Variants in HDAC7 observed in about 807,000 individuals in gnomAD.
HDAC7 encodes the protein histone deacetylase 7, also known as histone deacetylase 7A.
In HDAC7, 26 loss-of-function variants were observed where a neutral mutation model predicts 115.5. The observed-to-expected ratio is 0.23, with a 90% CI of 0.16 to 0.31. The LOEUF (loss-of-function observed/expected upper bound fraction) is 0.31. HDAC7 is among the 10% of genes least tolerant of loss of function. The pLI, the probability that HDAC7 is intolerant of heterozygous loss-of-function variation, is 1.00. For synonymous variants in HDAC7, 564 were observed against 550.9 expected, an observed-to-expected ratio of 1.02 and a Z score of -0.33; for missense variants, 1,068 against 1,329.0, an observed-to-expected ratio of 0.80 and a Z score of 3.05.
Position 47,800,364 on chromosome 12 carries a change from G to T in HDAC7, c.71-1392C>A, listed in dbSNP as rs184033032. Among the ~76,000 whole-genome samples the T allele has an allele frequency of 1.2e-3, 188 of 152,284 alleles. 1 individual carries two copies. Among genetic ancestry groups the T allele is most frequent in the Middle Eastern group, 3.4e-3 (1 of 292 alleles). ...GGGGCTTTCTCACTAAGCAAAGAGG[G>T]GTTTGCAGTAGGCTGTCATTAAAGG... On this transcript the variant is annotated intron_variant, in intron 2 of 25. Transcript: ENST00000080059.
intron 1 of HDAC7, chr12:47,813,420 G>C (rs1592701325): frequency 6.6e-6 from 1 of 152,624 alleles, no homozygotes; most frequent in African/African-American, 2.4e-5. Flanking sequence ...TGGGGGTTGG[G>C]GTAGAGGGGA....
At chr12:47,789,177 A>T in intron 19 of HDAC7, 84 bp downstream of exon 19, 5 of 1,071,152 alleles carry the variant, frequency 4.7e-6, no homozygotes, top group Non-Finnish European at 7.2e-6. Flanking sequence ...CAGAACTAAG[A>T]CATGAAGCCG....
intron 17 of HDAC7, 97 bp from the exon 18 acceptor site, chr12:47,789,675 A>G (rs1158860312): frequency 1.0e-5 from 15 of 1,474,440 alleles, no homozygotes; most frequent in African/African-American, 5.6e-5. Flanking sequence ...TGGTTCCCAG[A>G]GCCCTCAATT....
In HDAC7 at chr12:47,803,169, T is replaced by G. The variant is rs1944247120; in HGVS notation, c.20-895A>C. Among the ~76,000 whole-genome samples the G allele has an allele frequency of 6.6e-6, 1 of 152,148 alleles. No homozygotes were observed. ...GACAGAGATGAGTCCTGAGGCCACC[T>G]GTCCAGGACAGACACCTTTCCCTCT... On this transcript the variant is annotated intron_variant, in intron 1 of 25. Coordinates refer to ENST00000080059, the MANE Select transcript of HDAC7 (RefSeq NM_015401.5). This position sits in a 1 kb window ranked among gnomAD's most constrained non-coding sequence, Gnocchi z 4.0.
At chr12:47,811,788 T>C (rs892553082) in intron 1 of HDAC7, among the ~76,000 whole-genome samples, 20 of 152,352 alleles carry the variant, frequency 1.3e-4, no homozygotes, top group African/African-American at 4.8e-4. Context: ...ATATATCCTC[T>C]GAGGTTCCGT....
At chr12:47,811,321 T>C (rs950142714) in intron 1 of HDAC7, among the ~76,000 whole-genome samples, 1 of 152,132 alleles carries the variant, frequency 6.6e-6, no homozygotes, top group African/African-American at 2.4e-5. Flanking sequence ...CAAATCCAGC[T>C]AGGGTGCTTA....
rs1276794668 is a variant in HDAC7 at position 47,797,020 on chromosome 12, C to G, written c.700G>C (p.Gly234Arg). The G allele has an allele frequency of 1.3e-6, 2 of 1,556,448 alleles. No individual in the cohort carries two copies. Among genetic ancestry groups the G allele is most frequent in the African/African-American group, 1.4e-5 (1 of 72,664 alleles). Reference protein sequence around the residue: ...SLRRRPAETLGDSSPSSSSTP... With the variant: ...SLRRRPAETLRDSSPSSSSTP... ...CACTGGCTCAGCCGGCCCTCACCTC[C>G]GAGGGTCTCTGCGGGCCGCCGCCGG... The change falls in exon 7 of 26, where the codon GGA (glycine) becomes CGA (arginine). Residue 234 changes from glycine to arginine, a missense_variant. This residue lies in a region of HDAC7 where 618 missense variants were observed against 701.5 expected (regional missense o/e 0.88). Transcript: ENST00000080059. This position sits in a 1 kb window ranked among gnomAD's most constrained non-coding sequence, Gnocchi z 5.5.
At chr12:47,816,112 G>C (rs1944842629) in intron 1 of HDAC7, among the ~76,000 whole-genome samples, 1 of 151,940 alleles carries the variant, frequency 6.6e-6, no homozygotes, top group Admixed American at 6.6e-5. Flanking sequence ...GGCTGGTCTT[G>C]AACTCCTGAC....
chr12:47,797,556 C>CCCTGAG lies in HDAC7; in HGVS notation c.462-63_462-58dup, dbSNP rs1943925299. On this transcript the variant is annotated intron_variant, in intron 5 of 25. Coordinates refer to ENST00000080059, the MANE Select transcript of HDAC7 (RefSeq NM_015401.5). This position sits in a 1 kb window ranked among gnomAD's most constrained non-coding sequence, Gnocchi z 5.5. ...GTGTGGGGACACTGCACGGGCACTG[C>CCCTGAG]CCTGAGCACGGGCCCTGGGACCTGA... 1.5e-6 allele frequency: 2 copies of CCCTGAG among 1,331,330 alleles called. No individual in the cohort carries two copies. The highest frequency in any genetic ancestry group is 2.1e-6 in the Non-Finnish European group (2 of 951,716). 82.5% of individuals were successfully genotyped at this position (1,331,330 alleles called of 1,614,324 possible). A position where few individuals can be genotyped will look rare whatever the true frequency, so the allele number is the denominator to read the frequency against.
chr12:47,795,433 G>A lies in HDAC7; in HGVS notation c.1088-53C>T. ...GAGGGAACCACAGGGAGCAATGGAAGGAAGCGAGGGTATAGGGTGGGGGGC... is the reference window on the plus strand; with the variant it reads ...GAGGGAACCACAGGGAGCAATGGAAAGAAGCGAGGGTATAGGGTGGGGGGC... On this transcript the variant is annotated intron_variant, in intron 10 of 25. Transcript: ENST00000080059. This position sits in a 1 kb window ranked among gnomAD's most constrained non-coding sequence, Gnocchi z 4.3. 6.7e-7 allele frequency: 1 copy of A among 1,490,884 alleles called. No homozygotes were observed. The allele number at this position is 1,490,884 out of a possible 1,614,324, so 92.4% of individuals were successfully genotyped here. A position where few individuals can be genotyped will look rare whatever the true frequency, so the allele number is the denominator to read the frequency against.
In HDAC7 at chr12:47,797,251, T is replaced by A; in HGVS notation, c.578-109A>T. 1 of 1,559,066 alleles carries A rather than the reference T, an allele frequency of 6.4e-7. No individual in the cohort carries two copies. Among genetic ancestry groups the A allele is most frequent in the Non-Finnish European group, 8.7e-7 (1 of 1,144,016 alleles). ...CGGTCAAGGAAAGAGAAGGCAGAAC[T>A]AGAAAGAAGATCCTAGCCTACCGAT... is the stretch of plus-strand genomic sequence containing the variant. On this transcript the variant is annotated intron_variant, in intron 6 of 25. Transcript: ENST00000080059. The surrounding 1 kb of genome is among the most constrained non-coding windows in gnomAD (Gnocchi z 5.5).
intron 1 of HDAC7, among the ~76,000 whole-genome samples, chr12:47,811,899 T>C (rs1475622593): frequency 6.6e-6 from 1 of 152,260 alleles, no homozygotes; most frequent in Non-Finnish European, 1.5e-5. Context: ...GAATGCCTTC[T>C]GGCTGAATAA....
intron 24 of HDAC7, 65 bp downstream of exon 24, chr12:47,785,322 G>T: frequency 7.1e-7 from 1 of 1,401,214 alleles, no homozygotes; most frequent in Non-Finnish European, 9.8e-7. Flanking sequence ...TCTGGCCACG[G>T]TGGGGCAGGG....
rs1465474581 is a variant in HDAC7 at position 47,798,413 on chromosome 12, C to T, written c.349+149G>A. 11 of 784,712 alleles carry T rather than the reference C, an allele frequency of 1.4e-5. No homozygotes were observed. Among genetic ancestry groups the T allele is most frequent in the Non-Finnish European group, 2.1e-5 (10 of 476,164 alleles). The allele number at this position is 784,712 out of a possible 1,614,324, so 48.6% of individuals were successfully genotyped here. On this transcript the variant is annotated intron_variant, in intron 4 of 25. Coordinates refer to ENST00000080059, the MANE Select transcript of HDAC7 (RefSeq NM_015401.5). This position sits in a 1 kb window ranked among gnomAD's most constrained non-coding sequence, Gnocchi z 4.3. ...CCCACCCCCACATCCCCCACACATT[C>T]ACAGGCAGAGCCCAGGCAAGCAGAG...
chr12:47,783,807 AG>A lies in HDAC7; in HGVS notation c.*33del. Reference sequence around the variant, plus strand: ...GGGGTTAGAAGAGAACCAGGTCCCAAGGGCATGGTGGGCGGGCAGATGGTTC... The same window carrying A: ...GGGGTTAGAAGAGAACCAGGTCCCAAGGCATGGTGGGCGGGCAGATGGTTC... On this transcript the variant is annotated 3_prime_UTR_variant, in exon 26 of 26. Transcript: ENST00000080059. The A allele has an allele frequency of 6.2e-7, 1 of 1,603,384 alleles. No homozygotes were observed. Among genetic ancestry groups the A allele is most frequent in the Non-Finnish European group, 8.5e-7 (1 of 1,174,468 alleles).
intron 14 of HDAC7, 37 bp from the exon 15 acceptor site, chr12:47,791,743 G>GC (rs776392178): frequency 1.9e-6 from 3 of 1,607,652 alleles, no homozygotes; most frequent in Admixed American, 3.4e-5. Flanking sequence ...GCTCATGCTC[G>GC]CCCCTTCCCT....
chr12:47,800,226 G>T (rs539157693), intron 2 of HDAC7, among the ~76,000 whole-genome samples: 4 of 152,288 alleles, frequency 2.6e-5, no homozygotes, highest in African/African-American at 9.6e-5. Flanking sequence ...GCTCGGAGGT[G>T]AAGGGCCCTG....
At position 47,798,119 on chromosome 12, in the gene HDAC7, G is replaced by A; in HGVS notation, c.450C>T (p.Gly150=). Residue 150 remains glycine, a synonymous_variant, in exon 5 of 26, where the codon GGC becomes GGT. Coordinates refer to ENST00000080059, the MANE Select transcript of HDAC7 (RefSeq NM_015401.5). This position sits in a 1 kb window ranked among gnomAD's most constrained non-coding sequence, Gnocchi z 4.3. ...GAGGAGGGTGTTACCTGTAGGGAAT[G>A]CCGGGGCTGTTGGGATGGACTGTTC... ...LERTVHPNSP[G]IPYRTLEPLE... 1.2e-6 allele frequency: 2 copies of A among 1,612,990 alleles called. No individual in the cohort carries two copies. Among genetic ancestry groups the A allele is most frequent in the East Asian group, 2.2e-5 (1 of 44,864 alleles).
At chr12:47,791,055 C>A (rs1943469831) in intron 16 of HDAC7, 1 of 617,268 alleles carries the variant, frequency 1.6e-6, no homozygotes, top group Non-Finnish European at 2.9e-6. Flanking sequence ...CTGGACTCCG[C>A]ATTCGGGGGA....
Sources: allele counts gnomAD v4.1 joint callset (sites outside exome capture counted in the v4.1 genomes callset), GRCh38; gene constraint gnomAD v4.1.1; regional missense constraint gnomAD v4.1.1; non-coding constraint Gnocchi (gnomAD v3.1); transcripts MANE v1.5; gene names NCBI Gene and HGNC (gene_info 2026-07-23, HGNC 2026-07-21).